The following LRRIQ3 variants were observed in gnomAD, a reference collection of about 807,000 sequenced individuals.
The protein encoded by LRRIQ3 is leucine rich repeats and IQ motif containing 3, also known as leucine-rich repeat and IQ domain-containing protein 3.
In LRRIQ3, 75 loss-of-function variants were observed where a neutral mutation model predicts 59.3. The ratio of observed to expected loss-of-function variants is 1.26; its 90% confidence interval spans 1.05 to 1.53. The LOEUF (loss-of-function observed/expected upper bound fraction) is 1.53. LRRIQ3 is among the 40% of genes most tolerant of loss of function. The probability of loss-of-function intolerance (pLI) is 0.00; values close to 1 mark genes in which losing one functional copy is unlikely to be tolerated. For missense variants in LRRIQ3, 831 were observed against 710.0 expected (o/e 1.17, Z -1.94); for synonymous variants, 250 against 231.3 (o/e 1.08, Z -0.73).
chr1:74,197,019 A>G (rs1431778591), intron 1 of LRRIQ3, among the ~76,000 whole-genome samples: 2 of 152,144 alleles, frequency 1.3e-5, no homozygotes, highest in East Asian at 3.8e-4. Flanking sequence ...TTCTCTCGCT[A>G]CTTTCTCCTT....
intron 5 of LRRIQ3, among the ~76,000 whole-genome samples, chr1:74,104,752 A>G (rs907582771): frequency 2.6e-5 from 4 of 152,050 alleles, no homozygotes; most frequent in African/African-American, 7.2e-5. Context: ...TATACATACA[A>G]TTATACATTT....
chr1:74,197,176 T>C (rs1334959117), intron 1 of LRRIQ3, among the ~76,000 whole-genome samples: 4 of 152,180 alleles, frequency 2.6e-5, no homozygotes, highest in Non-Finnish European at 5.9e-5. Context: ...TAGAACACGA[T>C]TGTATAACAA....
chr1:74,042,324 C>G (rs1335628386), intron 6 of LRRIQ3, among the ~76,000 whole-genome samples: 2 of 151,808 alleles, frequency 1.3e-5, no homozygotes, highest in Admixed American at 6.6e-5. Flanking sequence ...GCACTGAGAA[C>G]CAGTGAAAAT....
chr1:74,100,430 G>T (rs1322925228), intron 5 of LRRIQ3, among the ~76,000 whole-genome samples: 1 of 151,982 alleles, frequency 6.6e-6, no homozygotes, highest in East Asian at 1.9e-4. Context: ...ATGGAAGAAC[G>T]TTCCATGCTC....
At chr1:74,138,890 G>C (rs922870187) in intron 4 of LRRIQ3, among the ~76,000 whole-genome samples, 1 of 151,504 alleles carries the variant, frequency 6.6e-6, no homozygotes, top group African/African-American at 2.4e-5. Context: ...ACTTATCATA[G>C]AAAATAGGAG....
At chr1:74,061,349 T>C (rs1654716436) in intron 6 of LRRIQ3, among the ~76,000 whole-genome samples, 2 of 152,176 alleles carry the variant, frequency 1.3e-5, no homozygotes, top group South Asian at 4.1e-4. Context: ...TTAATCAATA[T>C]TGTTAAAATG....
At chr1:74,133,900 AT>A (rs1371023845) in intron 4 of LRRIQ3, among the ~76,000 whole-genome samples, 3 of 151,886 alleles carry the variant, frequency 2.0e-5, no homozygotes, top group African/African-American at 4.8e-5. Flanking sequence ...ACCAAAAAAA[AT>A]CTCTACACTT....
intron 5 of LRRIQ3, chr1:74,095,204 C>A (rs529144853): frequency 6.6e-6 from 1 of 152,156 alleles, no homozygotes; most frequent in African/African-American, 2.4e-5. Flanking sequence ...AAATAGAGGC[C>A]ATGTATGCTG....
chr1:74,108,287 A>G (rs148156103), intron 5 of LRRIQ3, among the ~76,000 whole-genome samples: 1 of 151,964 alleles, frequency 6.6e-6, no homozygotes, highest in East Asian at 1.9e-4. Flanking sequence ...GTGATTTTAT[A>G]TTCTACACAG....
chr1:74,109,232 C>T (rs1005352850), intron 5 of LRRIQ3, 162 bp downstream of exon 5: 7 of 600,484 alleles, frequency 1.2e-5, no homozygotes, highest in Non-Finnish European at 2.1e-5. Context: ...ATTTGTATTA[C>T]ATTACTATAT....
At chr1:74,040,374 C>A (rs1296062516) in intron 7 of LRRIQ3, among the ~76,000 whole-genome samples, 19 of 152,102 alleles carry the variant, frequency 1.2e-4, no homozygotes, top group Admixed American at 1.2e-3. Context: ...CAATATTAGA[C>A]CGATTAATGA....
At position 74,060,246 on chromosome 1, in the gene LRRIQ3, TTCTTCTTCTTCC is replaced by T. The variant is rs1557597759; in HGVS notation, c.997+14403_997+14414del. Among the ~76,000 whole-genome samples, 222 of 121,230 alleles carry T rather than the reference TTCTTCTTCTTCC, an allele frequency of 1.8e-3. 1 individual carries two copies. The highest frequency in any genetic ancestry group is 6.3e-3 in the African/African-American group (210 of 33,224). 79.5% of individuals were successfully genotyped at this position (121,230 alleles called of 152,430 possible). On this transcript the variant is annotated intron_variant, in intron 6 of 7. Coordinates refer to ENST00000354431, the MANE Select transcript of LRRIQ3 (RefSeq NM_001105659.2). Reference sequence around the variant, plus strand: ...GTTCTTCTTCTTCTTCTTCTTCTTCTTCTTCTTCTTCCTCTTCCTCTTCTTTCTCTTCCTCCT... The same window carrying T: ...GTTCTTCTTCTTCTTCTTCTTCTTCTTCTTCCTCTTCTTTCTCTTCCTCCT...
chr1:74,183,690 A>G lies in LRRIQ3; in HGVS notation c.1-6T>C. The G allele has an allele frequency of 6.9e-7, 1 of 1,453,598 alleles. No homozygotes were observed. Among genetic ancestry groups the G allele is most frequent in the Non-Finnish European group, 9.1e-7 (1 of 1,097,278 alleles). The allele number at this position is 1,453,598 out of a possible 1,614,324, so 90.0% of individuals were successfully genotyped here. On this transcript the variant is annotated splice_region_variant and splice_polypyrimidine_tract_variant and intron_variant, in intron 1 of 7. Transcript: ENST00000354431. The stretch of plus-strand genomic sequence containing the variant: ...GTGACTGTTCCATGAAACATCTAGG[A>G]AAGATAAGAAAGTGCTTTGATTTTT...
chr1:74,157,824 G>A (rs1648429932), intron 3 of LRRIQ3, among the ~76,000 whole-genome samples: 1 of 151,996 alleles, frequency 6.6e-6, no homozygotes. Context: ...CCACTTCTAA[G>A]TTCATAGCTT....
intron 4 of LRRIQ3, among the ~76,000 whole-genome samples, chr1:74,131,243 G>A (rs927491128): frequency 6.6e-6 from 1 of 151,828 alleles, no homozygotes; most frequent in Non-Finnish European, 1.5e-5. Context: ...ATAGCCTACA[G>A]ACCAAAAAAA....
At chr1:74,075,686 C>A (rs1199078714) in intron 5 of LRRIQ3, among the ~76,000 whole-genome samples, 1 of 152,058 alleles carries the variant, frequency 6.6e-6, no homozygotes, top group East Asian at 1.9e-4. Flanking sequence ...TATCTGTGAA[C>A]TGGTTGGGAT....
intron 3 of LRRIQ3, among the ~76,000 whole-genome samples, chr1:74,179,172 T>C (rs1649815621): frequency 1.3e-5 from 2 of 152,056 alleles, no homozygotes; most frequent in Non-Finnish European, 2.9e-5. Flanking sequence ...ACAATCAAAA[T>C]ATAAATATAT....
intron 5 of LRRIQ3, among the ~76,000 whole-genome samples, chr1:74,107,878 A>G (rs1396294793): frequency 1.3e-5 from 2 of 151,796 alleles, no homozygotes; most frequent in East Asian, 1.9e-4. Flanking sequence ...TTAAAAAGTA[A>G]CATTAATAAT....
intron 4 of LRRIQ3, among the ~76,000 whole-genome samples, chr1:74,137,878 G>A (rs1330859755): frequency 1.3e-5 from 2 of 148,514 alleles, no homozygotes; most frequent in African/African-American, 4.9e-5. Context: ...TCACTCATAT[G>A]TTGGAGTTGA....
Sources: allele counts gnomAD v4.1 joint callset (sites outside exome capture counted in the v4.1 genomes callset), GRCh38; gene constraint gnomAD v4.1.1; transcripts MANE v1.5; gene names NCBI Gene and HGNC (gene_info 2026-07-23, HGNC 2026-07-21).